The following UBR2 variants were observed in gnomAD, a reference collection of about 807,000 sequenced individuals.
The protein encoded by UBR2 is E3 ubiquitin-protein ligase UBR2.
UBR2 carries 92 observed loss-of-function variants against 247.9 expected under a neutral mutation model. The ratio of observed to expected loss-of-function variants is 0.37; its 90% CI spans 0.31 to 0.44. The LOEUF is 0.44. UBR2 is among the 20% of genes least tolerant of loss of function. The pLI, the probability that UBR2 is intolerant of heterozygous loss-of-function variation, is 1.00. For synonymous variants in UBR2, 672 were observed against 693.5 expected (o/e 0.97, Z 0.49); for missense variants, 1,613 against 2,112.6 (o/e 0.76, Z 4.64).
At chr6:42,610,015 T>A (rs1162868554) in intron 7 of UBR2, among the ~76,000 whole-genome samples, 2 of 150,096 alleles carry the variant, frequency 1.3e-5, no homozygotes, top group East Asian at 2.0e-4. Context: ...GTCAAAAAAA[T>A]AAATAAATAT....
chr6:42,674,228 C>T (rs1388010301), intron 38 of UBR2, 35 bp downstream of exon 38: 2 of 1,598,110 alleles, frequency 1.3e-6, no homozygotes, highest in East Asian at 4.5e-5. Context: ...ACTTCTACGT[C>T]ATACTATGTA....
At chr6:42,595,622 G>C (rs1792919481) in intron 4 of UBR2, among the ~76,000 whole-genome samples, 1 of 151,918 alleles carries the variant, frequency 6.6e-6, no homozygotes, top group Non-Finnish European at 1.5e-5. Context: ...GCACGTGCCT[G>C]TGGTCCCAGC....
chr6:42,673,386 A>G (rs1303104611), intron 36 of UBR2, among the ~76,000 whole-genome samples: 3 of 152,180 alleles, frequency 2.0e-5, no homozygotes, highest in African/African-American at 4.8e-5. Context: ...CAGTGGTGTG[A>G]TCTCAGCTCA....
intron 11 of UBR2, among the ~76,000 whole-genome samples, chr6:42,619,071 C>G (rs1794733481): frequency 6.6e-6 from 1 of 152,054 alleles, no homozygotes; most frequent in Non-Finnish European, 1.5e-5. Context: ...CATTTCCATG[C>G]CAGTACCACA....
Position 42,635,366 on chromosome 6 carries a change from A to G in UBR2, c.1546-52A>G, listed in dbSNP as rs908153079. The G allele has an allele frequency of 9.5e-5, 147 of 1,555,262 alleles. 1 individual carries two copies. Among genetic ancestry groups the G allele is most frequent in the Non-Finnish European group, 1.2e-4 (139 of 1,140,516 alleles). On this transcript the variant is annotated intron_variant, in intron 13 of 46. Coordinates refer to ENST00000372901, the MANE Select transcript of UBR2 (RefSeq NM_001363705.2). ...TACATTACTTCTTAGGTTTCCATATAAAAGAACAACTATTATTTTCATTCA... is the reference window on the plus strand; with the variant it reads ...TACATTACTTCTTAGGTTTCCATATGAAAGAACAACTATTATTTTCATTCA...
intron 16 of UBR2, 113 bp downstream of exon 16, chr6:42,640,383 GGTGTGTGTGTGTGTGTGTGTGT>G (rs61668810): frequency 1.2e-4 from 21 of 174,426 alleles, no homozygotes; most frequent in South Asian, 7.0e-4. Flanking sequence ...GAACCAGTAA[GGTGTGTGTGTGTGTGTGTGTGT>G]GTGTGTGTGT....
chr6:42,642,996 G>C (rs534882445), intron 18 of UBR2, among the ~76,000 whole-genome samples: 2 of 151,758 alleles, frequency 1.3e-5, no homozygotes, highest in African/African-American at 4.8e-5. Flanking sequence ...TTCCATTTAC[G>C]TAGCTAACTT....
At position 42,602,288 on chromosome 6, in the gene UBR2, C is replaced by T. The variant is rs548926953; in HGVS notation, c.532-1300C>T. Among the ~76,000 whole-genome samples, 41 of 151,950 alleles carry T rather than the reference C, an allele frequency of 2.7e-4. 1 individual carries two copies. The highest frequency in any genetic ancestry group is 2.2e-3 in the Admixed American group (34 of 15,232). ...CACAATCTCCACTCACTGCAAGCTC[C>T]GCCTCCTGGGTTCATGCCATTCTCC... On this transcript the variant is annotated intron_variant, in intron 4 of 46. Transcript: ENST00000372901.
chr6:42,663,471 TAATG>T (rs1797936399), intron 32 of UBR2, 52 bp downstream of exon 32: 3 of 1,498,106 alleles, frequency 2.0e-6, no homozygotes, highest in Non-Finnish European at 2.7e-6. Context: ...GCTTTGAAGA[TAATG>T]AAATAATAAA....
At chr6:42,680,439 G>GT (rs1386859966) in intron 42 of UBR2, among the ~76,000 whole-genome samples, 12 of 152,176 alleles carry the variant, frequency 7.9e-5, no homozygotes, top group East Asian at 1.9e-4. Flanking sequence ...TCTTCCATAG[G>GT]TTTTTTCTTG....
At chr6:42,638,027 TTTTTG>T (rs1796212629) in intron 15 of UBR2, among the ~76,000 whole-genome samples, 1 of 152,154 alleles carries the variant, frequency 6.6e-6, no homozygotes, top group Admixed American at 6.6e-5. Flanking sequence ...GAGGGTATGT[TTTTTG>T]TTTTGTTTTG....
chr6:42,579,648 C>G (rs142661070), intron 2 of UBR2, among the ~76,000 whole-genome samples: 67 of 152,244 alleles, frequency 4.4e-4, no homozygotes, highest in African/African-American at 1.5e-3. Context: ...TAGCTAGAAC[C>G]ATAGGCGTGT....
chr6:42,637,166 T>C lies in UBR2; in HGVS notation c.1830T>C (p.Ile610=). Residue 610 remains isoleucine (I), a synonymous_variant, in exon 15 of 47, where the codon ATT becomes ATC. Coordinates refer to ENST00000372901, the MANE Select transcript of UBR2 (RefSeq NM_001363705.2). ...RYCVSQEKVS[I]HLPVSRLLAG... Reference sequence around the variant, plus strand: ...GTGTTTCCCAAGAAAAAGTTAGCATTCACCTCCCAGTTTCTCGCTTACTTG... The same window carrying C: ...GTGTTTCCCAAGAAAAAGTTAGCATCCACCTCCCAGTTTCTCGCTTACTTG... 1 of 1,612,854 alleles carries C rather than the reference T, an allele frequency of 6.2e-7. No individual in the cohort carries two copies. The highest frequency in any genetic ancestry group is 2.2e-5 in the East Asian group (1 of 44,842).
intron 2 of UBR2, among the ~76,000 whole-genome samples, chr6:42,585,470 C>G (rs980576434): frequency 1.3e-5 from 2 of 152,088 alleles, no homozygotes; most frequent in Non-Finnish European, 2.9e-5. Flanking sequence ...GGATATATTC[C>G]TTCTTCCTTA....
chr6:42,582,587 G>T (rs1791983170), intron 2 of UBR2, among the ~76,000 whole-genome samples: 1 of 151,966 alleles, frequency 6.6e-6, no homozygotes, highest in South Asian at 2.1e-4. Flanking sequence ...GAAAGTTCCT[G>T]TTGTTTCATA....
At chr6:42,676,010 G>A in intron 38 of UBR2, 46 bp from the exon 39 acceptor site, 1 of 1,538,788 alleles carries the variant, frequency 6.5e-7, no homozygotes, top group South Asian at 1.3e-5. Flanking sequence ...TTGCTTAGCT[G>A]TGAAAGGAAA....
At chr6:42,611,453 C>T (rs1208312765) in intron 7 of UBR2, among the ~76,000 whole-genome samples, 5 of 85,232 alleles carry the variant, frequency 5.9e-5, no homozygotes, top group Non-Finnish European at 9.4e-5. Flanking sequence ...GAGCTAGACT[C>T]CATCTCAAAA....
At chr6:42,687,167 C>T (rs990563006) in intron 44 of UBR2, among the ~76,000 whole-genome samples, 13 of 152,312 alleles carry the variant, frequency 8.5e-5, no homozygotes, top group East Asian at 5.8e-4. Context: ...GAGCCGAGAT[C>T]GCGCCACTGC....
chr6:42,655,164 G>A (rs760668290), intron 25 of UBR2, among the ~76,000 whole-genome samples: 2 of 152,080 alleles, frequency 1.3e-5, no homozygotes, highest in African/African-American at 2.4e-5. Flanking sequence ...ATAAACCTCA[G>A]TCTTTTCATT....
Sources: allele counts gnomAD v4.1 joint callset (sites outside exome capture counted in the v4.1 genomes callset), GRCh38; gene constraint gnomAD v4.1.1; transcripts MANE v1.5; gene names NCBI Gene and HGNC (gene_info 2026-07-23, HGNC 2026-07-21).